Variants in SHPRH observed in about 807,000 individuals in gnomAD.
The protein encoded by SHPRH is SNF2 histone linker PHD RING helicase.
Under a neutral mutation model 202.5 loss-of-function variants are expected in SHPRH, and 106 were observed. The ratio of observed to expected loss-of-function variants is 0.52; its 90% CI spans 0.45 to 0.62. SHPRH has a LOEUF of 0.62. Among genes scored for constraint, SHPRH ranks in the 20% least tolerant of loss-of-function variants. The pLI, the probability that SHPRH is intolerant of heterozygous loss-of-function variation, is 0.00. For missense variants in SHPRH, 1,710 were observed against 2,020.0 expected (o/e 0.85, Z 2.94); for synonymous variants, 729 against 686.0 (o/e 1.06, Z -0.98).
At chr6:145,894,845 C>T (rs1299915685) in intron 26 of SHPRH, 40 bp downstream of exon 26, 1 of 1,583,380 alleles carries the variant, frequency 6.3e-7, no homozygotes, top group African/African-American at 1.3e-5. Context: ...GAGGGAAAAT[C>T]AGTTCGAATT....
chr6:145,955,153 AGAAT>A lies in SHPRH; in HGVS notation c.166_169del (p.Ile56Ter). Reference sequence around the variant, plus strand: ...CACTTCTTCCTTTAGACTATCACTTAGAATGATATAATGAGCAGAAGAGGTATCT... The same window carrying A: ...CACTTCTTCCTTTAGACTATCACTTAGATATAATGAGCAGAAGAGGTATCT... On this transcript the variant is annotated frameshift_variant, in exon 2 of 30. Transcript: ENST00000275233. LOFTEE classifies it high-confidence loss of function. The A allele has an allele frequency of 6.2e-7, 1 of 1,613,870 alleles. No individual in the cohort carries two copies. Among genetic ancestry groups the A allele is most frequent in the Non-Finnish European group, 8.5e-7 (1 of 1,179,954 alleles).
downstream of SHPRH, among the ~76,000 whole-genome samples, chr6:145,861,044 GA>G (rs750600122): frequency 1.3e-5 from 2 of 151,942 alleles, no homozygotes; most frequent in Non-Finnish European, 2.9e-5. Context: ...TTAAATAGAG[GA>G]AAAAGTTTGC....
chr6:145,913,736 A>T (rs1244895016), intron 23 of SHPRH, among the ~76,000 whole-genome samples, 187 bp from the exon 24 acceptor site: 1 of 152,128 alleles, frequency 6.6e-6, no homozygotes, highest in Admixed American at 6.6e-5. Flanking sequence ...TACAAATATC[A>T]TTTATTCAAG....
At chr6:145,895,032 G>C in intron 25 of SHPRH, 55 bp from the exon 26 acceptor site, 1 of 1,507,752 alleles carries the variant, frequency 6.6e-7, no homozygotes, top group East Asian at 2.3e-5. Flanking sequence ...GTTAAGAACA[G>C]AATAGAAAAG....
intron 23 of SHPRH, 70 bp downstream of exon 23, chr6:145,918,061 T>C: frequency 1.7e-6 from 2 of 1,149,638 alleles, no homozygotes; most frequent in South Asian, 2.8e-5. Context: ...CCATTAATTA[T>C]GAAAGGAGTC....
intron 7 of SHPRH, 109 bp from the exon 8 acceptor site, chr6:145,945,746 CAA>C (rs1787304421): frequency 2.5e-6 from 3 of 1,213,412 alleles, no homozygotes; most frequent in African/African-American, 3.1e-5. Flanking sequence ...AGAAATAAAT[CAA>C]AGATTTATTA....
At chr6:145,931,311 T>C (rs1014036506) in intron 14 of SHPRH, among the ~76,000 whole-genome samples, 1 of 151,888 alleles carries the variant, frequency 6.6e-6, no homozygotes, top group Non-Finnish European at 1.5e-5. Flanking sequence ...TTTGCACCCT[T>C]TTTTCTTTTT....
In SHPRH at chr6:145,934,920, G is replaced by T. The variant is rs1285469075; in HGVS notation, c.2977C>A (p.Pro993Thr). ...TGATAATAAAACCTTTTTTGGAGTG[G>T]CAAGAACTCTCCACGAACAGCCTGT... ...HPQAVRGEFL[P>T]LQKSTMTMEE... Residue 993 changes from proline (P) to threonine (T), a missense_variant, in exon 13 of 30, where the codon CCA (proline) becomes ACA (threonine). Transcript: ENST00000275233. The T allele has an allele frequency of 6.2e-7, 1 of 1,600,040 alleles. No homozygotes were observed. The highest frequency in any genetic ancestry group is 1.3e-5 in the African/African-American group (1 of 74,412).
intron 24 of SHPRH, among the ~76,000 whole-genome samples, chr6:145,911,154 T>C (rs954870151): frequency 2.5e-4 from 38 of 152,086 alleles, no homozygotes; most frequent in African/African-American, 7.5e-4. Context: ...TTTTTAGACA[T>C]TCTTGCTCTG....
At chr6:145,874,234 A>AAT (rs1780199229) in intron 2 of SHPRH, among the ~76,000 whole-genome samples, 1 of 150,836 alleles carries the variant, frequency 6.6e-6, no homozygotes, top group African/African-American at 2.4e-5. Flanking sequence ...TAATAATAAT[A>AAT]ATAATGTGTG....
At chr6:145,926,844 T>C (rs1784927347) in intron 15 of SHPRH, among the ~76,000 whole-genome samples, 1 of 152,002 alleles carries the variant, frequency 6.6e-6, no homozygotes, top group Admixed American at 6.6e-5. Context: ...GTTCCTTTTC[T>C]TTTTAATGAA....
chr6:145,930,682 A>T (rs2128760851), intron 14 of SHPRH, among the ~76,000 whole-genome samples: 1 of 152,310 alleles, frequency 6.6e-6, no homozygotes, highest in South Asian at 2.1e-4. Flanking sequence ...CTTGAAAACA[A>T]TGTATATTCC....
intron 1 of SHPRH, among the ~76,000 whole-genome samples, chr6:145,959,969 G>A (rs948677245): frequency 6.6e-6 from 1 of 152,180 alleles, no homozygotes; most frequent in Non-Finnish European, 1.5e-5. Flanking sequence ...CACTCTGCAG[G>A]AACTTTAAAA....
intron 20 of SHPRH, among the ~76,000 whole-genome samples, chr6:145,921,982 AAAT>A (rs1335853861): frequency 6.6e-6 from 1 of 152,020 alleles, no homozygotes; most frequent in East Asian, 1.9e-4. Flanking sequence ...AATAGCAGTA[AAAT>A]GCTAGCAAAA....
intron 28 of SHPRH, among the ~76,000 whole-genome samples, chr6:145,889,115 C>T (rs998970335): frequency 1.3e-5 from 2 of 152,054 alleles, no homozygotes; most frequent in African/African-American, 4.8e-5. Flanking sequence ...TGGATATATG[C>T]ACCTGGGACA....
rs1043102289 is a variant in SHPRH at position 145,955,367 on chromosome 6, T to G, written c.-32-13A>C. On this transcript the variant is annotated splice_polypyrimidine_tract_variant and intron_variant, in intron 1 of 29. Coordinates refer to ENST00000275233, the MANE Select transcript of SHPRH (RefSeq NM_001042683.3). ...GTAACTGTGAACTCTAGAGGACAAA[T>G]GAAACAACAGGAGGTATAACAAGAG... 1.3e-6 allele frequency: 2 copies of G among 1,548,604 alleles called. No individual in the cohort carries two copies. The highest frequency in any genetic ancestry group is 1.7e-6 in the Non-Finnish European group (2 of 1,153,882).
chr6:145,936,551 T>C (rs1030040973), intron 11 of SHPRH, among the ~76,000 whole-genome samples: 5 of 152,112 alleles, frequency 3.3e-5, no homozygotes, highest in Non-Finnish European at 5.9e-5. Flanking sequence ...GATCTTGAAC[T>C]CCTGGGCTCA....
At chr6:145,921,883 C>T (rs1784458981) in intron 20 of SHPRH, among the ~76,000 whole-genome samples, 2 of 151,954 alleles carry the variant, frequency 1.3e-5, no homozygotes, top group Non-Finnish European at 1.5e-5. Flanking sequence ...ACAATGTTTA[C>T]TTATGGTTTC....
intron 5 of SHPRH, 103 bp downstream of exon 5, chr6:145,948,169 C>T: frequency 1.3e-6 from 1 of 768,628 alleles, no homozygotes; most frequent in Non-Finnish European, 2.0e-6. Flanking sequence ...CCTTTGATTC[C>T]TTCATGAGGT....
Sources: allele counts gnomAD v4.1 joint callset (sites outside exome capture counted in the v4.1 genomes callset), GRCh38; gene constraint gnomAD v4.1.1; transcripts MANE v1.5; gene names NCBI Gene and HGNC (gene_info 2026-07-23, HGNC 2026-07-21).